HCN1: variants seen among roughly 807,000 people sequenced by gnomAD.
The protein encoded by HCN1 is potassium/sodium hyperpolarization-activated cyclic nucleotide-gated channel 1.
In HCN1, 13 loss-of-function variants were observed where a neutral mutation model predicts 78.9. That is an observed-to-expected ratio of 0.16 (90% CI 0.11 to 0.26). The LOEUF (loss-of-function observed/expected upper bound fraction) is 0.26. Ranked by LOEUF, HCN1 falls within the 10% of genes least tolerant of loss-of-function variation. The pLI, the probability that HCN1 is intolerant of heterozygous loss-of-function variation, is 1.00. For missense variants in HCN1, 810 were observed against 1,154.3 expected, an observed-to-expected ratio of 0.70 and a Z score of 4.32; for synonymous variants, 552 against 455.5, an observed-to-expected ratio of 1.21 and a Z score of -2.70.
chr5:45,374,125 A>AATATATATTATATACATAATATATATG lies in HCN1; in HGVS notation c.1231-20880_1231-20879insCATATATATTATGTATATAATATATAT, dbSNP rs1561130257. 1.1e-4 allele frequency among the ~76,000 whole-genome samples: 12 copies of AATATATATTATATACATAATATATATG among 106,196 alleles called. No individual in the cohort carries two copies. The Admixed American group carries it at 1.3e-3, about 11-fold the overall frequency. The allele number at this position is 106,196 out of a possible 152,430, so 69.7% of individuals were successfully genotyped here. A position where few individuals can be genotyped will look rare whatever the true frequency, so the allele number is the denominator to read the frequency against. On this transcript the variant is annotated intron_variant, in intron 4 of 7. Transcript: ENST00000303230. The stretch of plus-strand genomic sequence containing the variant: ...TATATATTATATACATAATATATAT[A>AATATATATTATATACATAATATATATG]ATATATATTATATACATATTATATA...
chr5:45,372,068 TA>T lies in HCN1; in HGVS notation c.1231-18823del, dbSNP rs1561127842. ...TTATATATATAATATAATTATATTA[TA>T]TATTATATATAATATAATTATATAT... On this transcript the variant is annotated intron_variant, in intron 4 of 7. Coordinates refer to ENST00000303230, the MANE Select transcript of HCN1 (RefSeq NM_021072.4). 4.9e-3 allele frequency among the ~76,000 whole-genome samples: 251 copies of T among 51,258 alleles called. 1 individual carries two copies. Among genetic ancestry groups the T allele is most frequent in the Non-Finnish European group, 6.5e-3 (225 of 34,538 alleles). The allele number at this position is 51,258 out of a possible 152,430, so 33.6% of individuals were successfully genotyped here.
At chr5:45,410,779 A>C (rs780962688) in intron 3 of HCN1, among the ~76,000 whole-genome samples, 1 of 152,096 alleles carries the variant, frequency 6.6e-6, no homozygotes, top group Non-Finnish European at 1.5e-5. Flanking sequence ...ACTTAAAGCT[A>C]TTTTTAGAAG....
intron 2 of HCN1, among the ~76,000 whole-genome samples, chr5:45,598,985 C>CCATTGTTGAACA (rs1744565852): frequency 6.6e-6 from 1 of 152,170 alleles, no homozygotes; most frequent in South Asian, 2.1e-4. Flanking sequence ...ATTAGTTCAA[C>CCATTGTTGAACA]CATTGTGGAG....
At chr5:45,511,011 A>T (rs1742405120) in intron 2 of HCN1, among the ~76,000 whole-genome samples, 1 of 151,368 alleles carries the variant, frequency 6.6e-6, no homozygotes, top group Non-Finnish European at 1.5e-5. Flanking sequence ...TCATGTAGGT[A>T]ATATGATGTA....
chr5:45,653,790 G>A (rs1052113237), intron 1 of HCN1, among the ~76,000 whole-genome samples: 5 of 152,116 alleles, frequency 3.3e-5, no homozygotes, highest in African/African-American at 7.2e-5. Context: ...GAGAGGGGAC[G>A]GATAGCATTG....
At chr5:45,421,278 G>T (rs1017408422) in intron 3 of HCN1, among the ~76,000 whole-genome samples, 1 of 152,028 alleles carries the variant, frequency 6.6e-6, no homozygotes, top group Non-Finnish European at 1.5e-5. Flanking sequence ...TAGCCAGGAT[G>T]GTCTCGATCT....
chr5:45,470,014 T>C (rs1741358135), intron 2 of HCN1, among the ~76,000 whole-genome samples: 1 of 152,034 alleles, frequency 6.6e-6, no homozygotes, highest in Non-Finnish European at 1.5e-5. Context: ...TTGCACCATT[T>C]GATAGGTGAA....
At chr5:45,561,606 A>G (rs1743604978) in intron 2 of HCN1, among the ~76,000 whole-genome samples, 1 of 152,024 alleles carries the variant, frequency 6.6e-6, no homozygotes, top group South Asian at 2.1e-4. Context: ...AAGAAAAAAA[A>G]AAAACCCAGG....
At chr5:45,303,990 C>T (rs1330711402) in intron 5 of HCN1, 151 bp from the exon 6 acceptor site, 12 of 743,506 alleles carry the variant, frequency 1.6e-5, no homozygotes, top group Non-Finnish European at 2.0e-5. Flanking sequence ...CATCATATTA[C>T]AGTCAGGATT....
chr5:45,315,054 C>A (rs188150451), intron 5 of HCN1, among the ~76,000 whole-genome samples: 50 of 152,244 alleles, frequency 3.3e-4, no homozygotes, highest in African/African-American at 1.2e-3. Context: ...CAGCTCTGCA[C>A]CAAGCGGACC....
intron 4 of HCN1, among the ~76,000 whole-genome samples, chr5:45,395,530 G>A (rs1366810105): frequency 6.6e-6 from 1 of 152,116 alleles, no homozygotes; most frequent in Non-Finnish European, 1.5e-5. Context: ...CATATTGTGT[G>A]ATTATAGTGT....
chr5:45,428,813 G>A (rs1405838032), intron 3 of HCN1, among the ~76,000 whole-genome samples: 1 of 151,772 alleles, frequency 6.6e-6, no homozygotes, highest in Non-Finnish European at 1.5e-5. Context: ...AGCAAGGAAA[G>A]GATAGGAAAG....
intron 2 of HCN1, among the ~76,000 whole-genome samples, chr5:45,548,046 A>G (rs556838153): frequency 3.1e-4 from 47 of 152,002 alleles, no homozygotes; most frequent in South Asian, 1.0e-3. Flanking sequence ...ATATAACAGG[A>G]TTATTTTAAT....
chr5:45,284,432 A>G (rs191724860), intron 6 of HCN1, among the ~76,000 whole-genome samples: 124 of 152,306 alleles, frequency 8.1e-4, no homozygotes, highest in African/African-American at 1.4e-3. Flanking sequence ...GATGAAAAAT[A>G]AGAGGAAATA....
At chr5:45,544,014 A>G (rs948536702) in intron 2 of HCN1, among the ~76,000 whole-genome samples, 1 of 152,084 alleles carries the variant, frequency 6.6e-6, no homozygotes, top group Admixed American at 6.6e-5. Context: ...ATGTATGGCT[A>G]CATTTTCTGA....
intron 7 of HCN1, among the ~76,000 whole-genome samples, chr5:45,264,044 C>T (rs1247846769): frequency 3.3e-5 from 5 of 152,304 alleles, no homozygotes; most frequent in Admixed American, 2.6e-4. Flanking sequence ...CCACCCGCCT[C>T]GGCCTCCCAA....
At chr5:45,541,152 G>A (rs183795007) in intron 2 of HCN1, among the ~76,000 whole-genome samples, 22 of 152,162 alleles carry the variant, frequency 1.4e-4, no homozygotes, top group Admixed American at 8.5e-4. Context: ...TGTACTCCAC[G>A]TACAATGGTA....
At chr5:45,666,147 A>C (rs1475412411) in intron 1 of HCN1, among the ~76,000 whole-genome samples, 1 of 152,064 alleles carries the variant, frequency 6.6e-6, no homozygotes, top group Non-Finnish European at 1.5e-5. Context: ...AGAATGTGTT[A>C]AATCTAATCC....
At chr5:45,648,463 C>A (rs1008983088) in intron 1 of HCN1, among the ~76,000 whole-genome samples, 1 of 152,074 alleles carries the variant, frequency 6.6e-6, no homozygotes, top group Admixed American at 6.6e-5. Flanking sequence ...AACATCGACT[C>A]TATTTTGCAG....
Sources: gnomAD v4.1 joint callset for allele counts (sites outside exome capture counted in the v4.1 genomes callset) on GRCh38, gnomAD v4.1.1 for gene constraint, MANE v1.5 for transcripts, NCBI Gene and HGNC (gene_info 2026-07-23, HGNC 2026-07-21) for gene names.